NAV1: variants seen among roughly 807,000 people sequenced by gnomAD.
NAV1 encodes neuron navigator 1.
A neutral mutation model predicts 175.2 loss-of-function variants in NAV1; 18 were observed. The ratio of observed to expected loss-of-function variants is 0.10; its 90% CI spans 0.07 to 0.15. NAV1 has a LOEUF of 0.15. NAV1 is among the 10% of genes least tolerant of loss of function. The pLI is 1.00. For synonymous variants in NAV1, 897 were observed against 978.7 expected (o/e 0.92, Z 1.56); for missense variants, 1,731 against 2,436.6 (o/e 0.71, Z 6.10).
chr1:201,715,459 C>T (rs549827314), intron 2 of NAV1, among the ~76,000 whole-genome samples: 1 of 152,166 alleles, frequency 6.6e-6, no homozygotes, highest in South Asian at 2.1e-4. Context: ...CACGCCCTGC[C>T]GGCTCTTTTA....
exon 1 of NAV1, chr1:201,649,265 G>A (rs1294867914): frequency 6.2e-7 from 1 of 1,613,170 alleles, no homozygotes; most frequent in South Asian, 1.1e-5. Flanking sequence ...ATGGCAAATC[G>A]GACGACGAGC....
At chr1:201,612,400 G>C (rs1209547714) in intron 2 of NAV1, among the ~76,000 whole-genome samples, 2 of 152,244 alleles carry the variant, frequency 1.3e-5, no homozygotes, top group African/African-American at 4.8e-5. Flanking sequence ...GATGCAGTGA[G>C]CAGTGATAAC....
Position 201,641,607 on chromosome 1 carries a change from G to T in NAV1, c.5-7027G>T, listed in dbSNP as rs1009071730. 7.9e-5 allele frequency among the ~76,000 whole-genome samples: 12 copies of T among 152,236 alleles called. 1 individual carries two copies. Among genetic ancestry groups the T allele is most frequent in the Admixed American group, 5.2e-4 (8 of 15,278 alleles). ...GAGGGCTTTCCACAAAGGCAGGGGT[G>T]TTGGCATCTGCTAGGCAGGTGATGA... On this transcript the variant is annotated intron_variant, in intron 2 of 29. Transcript: ENST00000367302.
intron 1 of NAV1, among the ~76,000 whole-genome samples, chr1:201,661,764 G>A (rs753633291): frequency 3.9e-5 from 6 of 151,960 alleles, no homozygotes; most frequent in South Asian, 2.1e-4. Context: ...TCTCCCCTCC[G>A]CTCACCCTCA....
intron 1 of NAV1, among the ~76,000 whole-genome samples, chr1:201,672,173 G>A (rs560293937): frequency 2.3e-4 from 35 of 152,170 alleles, no homozygotes; most frequent in Non-Finnish European, 3.8e-4. Flanking sequence ...CTCCAAGTCA[G>A]AAATACATTT....
intron 15 of NAV1, among the ~76,000 whole-genome samples, chr1:201,799,574 A>G (rs534663079): frequency 3.3e-4 from 50 of 152,194 alleles, no homozygotes; most frequent in African/African-American, 1.1e-3. Context: ...AAAGTACTAC[A>G]TAGGGTCAGG....
In NAV1 at chr1:201,788,740, G is replaced by A. The variant is rs527844852; in HGVS notation, c.3166+102G>A. On this transcript the variant is annotated intron_variant, in intron 10 of 29. Transcript: ENST00000367296. This position sits in a 1 kb window ranked among gnomAD's most constrained non-coding sequence, Gnocchi z 5.7. ...CACTCCTACCACCACACACATATAT[G>A]ATTCACAGAACATCAAGTTGGGCCA... The A allele has an allele frequency of 7.6e-7, 1 of 1,313,048 alleles. No individual in the cohort carries two copies. Among genetic ancestry groups the A allele is most frequent in the East Asian group, 2.4e-5 (1 of 41,960 alleles). 81.3% of individuals were successfully genotyped at this position (1,313,048 alleles called of 1,614,324 possible).
exon 7 of NAV1, chr1:201,783,832 C>T: frequency 6.2e-7 from 1 of 1,612,006 alleles, no homozygotes; most frequent in African/African-American, 1.3e-5. Flanking sequence ...GTGGAAGCCC[C>T]AGAGCTGGGC....
At position 201,794,018 on chromosome 1, in the gene NAV1, C is replaced by T; in HGVS notation, c.3405+143C>T. 2.7e-6 allele frequency: 2 copies of T among 739,592 alleles called. 1 individual carries two copies. Among genetic ancestry groups the T allele is most frequent in the Middle Eastern group, 4.6e-4 (2 of 4,354 alleles). The allele number at this position is 739,592 out of a possible 1,614,324, so 45.8% of individuals were successfully genotyped here. ...TGTCACCCTGGATTCTCAATCTGCC[C>T]CCCAATACAGTGTGAGCATATTCCT... On this transcript the variant is annotated intron_variant, in intron 14 of 29. Transcript: ENST00000367296.
intron 1 of NAV1, among the ~76,000 whole-genome samples, chr1:201,654,508 C>T (rs1276415445): frequency 2.7e-5 from 4 of 150,632 alleles, no homozygotes; most frequent in African/African-American, 7.3e-5. Context: ...ACACATATAC[C>T]GCACCTCACA....
At chr1:201,785,018 T>C (rs1676627190) in intron 7 of NAV1, among the ~76,000 whole-genome samples, 2 of 152,320 alleles carry the variant, frequency 1.3e-5, no homozygotes, top group East Asian at 3.9e-4. Context: ...TCCACCCGCC[T>C]TGGCCTGCCA....
At chr1:201,712,317 A>G (rs1671940445) in intron 1 of NAV1, among the ~76,000 whole-genome samples, 1 of 152,192 alleles carries the variant, frequency 6.6e-6, no homozygotes, top group African/African-American at 2.4e-5. Flanking sequence ...TCAGATTGGT[A>G]GATTGAAAGT....
rs367990498 is a variant in NAV1, at chr1:201,808,496, G to A, written c.3924G>A (p.Ser1308=). Residue 1308 remains serine, a synonymous_variant, in exon 19 of 30, where the codon TCG becomes TCA. Transcript: ENST00000367296. The surrounding 1 kb of genome is among the most constrained non-coding windows in gnomAD (Gnocchi z 5.5). Reference sequence around the variant, plus strand: ...AGGAGCCAGAGAAGAAGGAGGTATCGGAGCTGCGCTCTGAGCTATGGGAGA... The same window carrying A: ...AGGAGCCAGAGAAGAAGGAGGTATCAGAGCTGCGCTCTGAGCTATGGGAGA... The A allele has an allele frequency of 5.6e-5, 90 of 1,614,236 alleles. 1 individual carries two copies. In the Middle Eastern group the frequency reaches 3.3e-3, roughly 59 times the overall value.
At chr1:201,690,109 A>G (rs1267245596) in intron 1 of NAV1, among the ~76,000 whole-genome samples, 8 of 118,824 alleles carry the variant, frequency 6.7e-5, no homozygotes, top group Admixed American at 4.2e-4. Context: ...TGTCCGTGGC[A>G]GAGTATGTCT....
At chr1:201,751,566 G>A (rs148701715) in intron 3 of NAV1, among the ~76,000 whole-genome samples, 2 of 152,138 alleles carry the variant, frequency 1.3e-5, no homozygotes, top group African/African-American at 4.8e-5. Context: ...AATCTCATGG[G>A]GTGTTGAAAG....
chr1:201,749,142 C>T (rs1169621984), intron 3 of NAV1, among the ~76,000 whole-genome samples: 2 of 151,812 alleles, frequency 1.3e-5, no homozygotes, highest in Non-Finnish European at 2.9e-5. Flanking sequence ...AGTGAGACTC[C>T]GTTTCAAAAA....
At chr1:201,550,276 A>G (rs1665817622) in intron 1 of NAV1, among the ~76,000 whole-genome samples, 1 of 151,996 alleles carries the variant, frequency 6.6e-6, no homozygotes, top group African/African-American at 2.4e-5. Flanking sequence ...GGCTCAAGTG[A>G]TCCTCCTGCC....
intron 1 of NAV1, among the ~76,000 whole-genome samples, chr1:201,560,631 G>C (rs1019379050): frequency 1.3e-5 from 2 of 152,186 alleles, no homozygotes; most frequent in Non-Finnish European, 2.9e-5. Flanking sequence ...TGAGAAACAG[G>C]ATATTTAATG....
chr1:201,606,379 C>T (rs1340880118), intron 2 of NAV1, among the ~76,000 whole-genome samples: 1 of 152,200 alleles, frequency 6.6e-6, no homozygotes, highest in East Asian at 1.9e-4. Context: ...CACTTATAGC[C>T]ACTCAACCTA....
Sources: allele counts gnomAD v4.1 joint callset (sites outside exome capture counted in the v4.1 genomes callset), GRCh38; gene constraint gnomAD v4.1.1; non-coding constraint Gnocchi (gnomAD v3.1); transcripts MANE v1.5; gene names NCBI Gene and HGNC (gene_info 2026-07-23, HGNC 2026-07-21).